Variants in PPP1R16B observed in about 807,000 individuals in gnomAD.
PPP1R16B encodes protein phosphatase 1 regulatory inhibitor subunit 16B.
In PPP1R16B, 14 loss-of-function variants were observed where a neutral mutation model predicts 61.7. That is an observed-to-expected ratio of 0.23 (90% CI 0.15 to 0.35). The LOEUF (loss-of-function observed/expected upper bound fraction) is 0.35, where lower values mean the gene tolerates loss of function less well. PPP1R16B is among the 10% of genes least tolerant of loss of function. The pLI is 1.00. For synonymous variants in PPP1R16B, 266 were observed against 305.3 expected (o/e 0.87, Z 1.34); for missense variants, 547 against 752.5 (o/e 0.73, Z 3.19).
chr20:38,819,099 GA>G (rs1281878981), intron 1 of PPP1R16B, among the ~76,000 whole-genome samples: 1 of 151,330 alleles, frequency 6.6e-6, no homozygotes, highest in Non-Finnish European at 1.5e-5. Flanking sequence ...CAAGAAAAAG[GA>G]AAAAAAATAA....
At chr20:38,813,729 C>G (rs2084716251) in intron 1 of PPP1R16B, among the ~76,000 whole-genome samples, 1 of 151,034 alleles carries the variant, frequency 6.6e-6, no homozygotes, top group Non-Finnish European at 1.5e-5. Context: ...TCCTTTAGTC[C>G]TCCTAACAAC....
rs980789650 is a variant in PPP1R16B at position 38,894,096 on chromosome 20, C to A, written c.322-1469C>A. Among the ~76,000 whole-genome samples, 89 of 152,294 alleles carry A rather than the reference C, an allele frequency of 5.8e-4. 1 individual carries two copies. The highest frequency in any genetic ancestry group is 2.1e-3 in the African/African-American group (86 of 41,562). ...CTGTCCGGAGAGAATGTCCTCAGAC[C>A]TAGCCACCGTCCCCCCCGCACCCCC... On this transcript the variant is annotated intron_variant, in intron 3 of 10. Transcript: ENST00000299824.
chr20:38,894,106 T>TC (rs1164750028), intron 3 of PPP1R16B, among the ~76,000 whole-genome samples: 14 of 150,378 alleles, frequency 9.3e-5, no homozygotes, highest in Admixed American at 6.6e-4. Flanking sequence ...CTAGCCACCG[T>TC]CCCCCCCGCA....
intron 2 of PPP1R16B, among the ~76,000 whole-genome samples, chr20:38,851,931 G>C (rs2084971573): frequency 6.6e-6 from 1 of 152,196 alleles, no homozygotes; most frequent in Non-Finnish European, 1.5e-5. Flanking sequence ...TGCTTGGGAG[G>C]CTGAGGCCGG....
intron 10 of PPP1R16B, among the ~76,000 whole-genome samples, chr20:38,908,923 C>A (rs912611832): frequency 2.4e-4 from 37 of 152,196 alleles, no homozygotes; most frequent in Non-Finnish European, 4.6e-4. Flanking sequence ...CTCTTGCTAG[C>A]AATGATTCTA....
At chr20:38,818,132 A>C (rs568999686) in intron 1 of PPP1R16B, among the ~76,000 whole-genome samples, 2 of 152,362 alleles carry the variant, frequency 1.3e-5, no homozygotes, top group East Asian at 3.9e-4. Flanking sequence ...TAGCAGATAC[A>C]TCTTGGTTCA....
At chr20:38,872,024 C>T (rs1374578850) in intron 2 of PPP1R16B, among the ~76,000 whole-genome samples, 1 of 152,152 alleles carries the variant, frequency 6.6e-6, no homozygotes, top group Admixed American at 6.5e-5. Context: ...CAAGGTCACC[C>T]CTAGCACGTC....
rs2145793704 is a variant in PPP1R16B at position 38,921,722 on chromosome 20, T to C, written c.*3056T>C. The C allele has an allele frequency of 6.6e-6, 1 of 152,388 alleles. No homozygotes were observed. Among genetic ancestry groups the C allele is most frequent in the East Asian group, 1.9e-4 (1 of 5,190 alleles). 9.4% of individuals were successfully genotyped at this position (152,388 alleles called of 1,614,324 possible). A position where few individuals can be genotyped will look rare whatever the true frequency, so the allele number is the denominator to read the frequency against. On this transcript the variant is annotated 3_prime_UTR_variant, in exon 11 of 11. Transcript: ENST00000299824. ...AGCTTGAGATCAGTGTCTAGAAGAC[T>C]GTTCTGCAATTTGCTGCCAAATGCA...
rs184125245 is a variant in PPP1R16B, at chr20:38,840,952, T to C, written c.250+4777T>C. ...TAAGTGGTATAAATTGTTGTTATTC[T>C]ACACTATTCTACATTTACGTAATCT... On this transcript the variant is annotated intron_variant, in intron 2 of 10. Transcript: ENST00000299824. 2.0e-5 allele frequency among the ~76,000 whole-genome samples: 3 copies of C among 152,356 alleles called. No individual in the cohort carries two copies. The East Asian group carries it at 5.8e-4, about 29-fold the overall frequency.
At chr20:38,903,645 T>C (rs1414327347) in intron 6 of PPP1R16B, among the ~76,000 whole-genome samples, 1 of 151,662 alleles carries the variant, frequency 6.6e-6, no homozygotes, top group African/African-American at 2.4e-5. Flanking sequence ...AGCCATCCAG[T>C]CAACACACAG....
chr20:38,904,314 GGT>G (rs2085422387), intron 6 of PPP1R16B, among the ~76,000 whole-genome samples: 1 of 152,178 alleles, frequency 6.6e-6, no homozygotes, highest in African/African-American at 2.4e-5. Context: ...CTGGCCTCAG[GGT>G]GGCCCCACCC....
At position 38,906,092 on chromosome 20, in the gene PPP1R16B, C is replaced by G; in HGVS notation, c.820C>G (p.Gln274Glu). 6.2e-7 allele frequency: 1 copy of G among 1,612,260 alleles called. No homozygotes were observed. Among genetic ancestry groups the G allele is most frequent in the Non-Finnish European group, 8.5e-7 (1 of 1,179,646 alleles). ...EPLHAAAFWG[Q>E]MQMAELLVSH... ...CCTGCATGCAGCTGCCTTCTGGGGA[C>G]AGGTAGTTCTCACCCACAGGGCTGT... is the stretch of plus-strand genomic sequence containing the variant. Residue 274 changes from glutamine (Q) to glutamate (E), a missense_variant and splice_region_variant, in exon 7 of 11, where the codon CAG becomes GAG. Transcript: ENST00000299824.
Position 38,919,722 on chromosome 20 carries a change from G to T in PPP1R16B, c.*1056G>T, listed in dbSNP as rs1258204433. On this transcript the variant is annotated 3_prime_UTR_variant, in exon 11 of 11. Coordinates refer to ENST00000299824, the MANE Select transcript of PPP1R16B (RefSeq NM_015568.4). The stretch of plus-strand genomic sequence containing the variant: ...AAAAAAACAGTCGCTAGTTAACAGC[G>T]ACAGAGCCCAGCACCCTGGGGTCTT... 1 of 152,120 alleles carries T rather than the reference G, an allele frequency of 6.6e-6. No individual in the cohort carries two copies. The highest frequency in any genetic ancestry group is 1.5e-5 in the Non-Finnish European group (1 of 68,022). 9.4% of individuals were successfully genotyped at this position (152,120 alleles called of 1,614,324 possible). A position where few individuals can be genotyped will look rare whatever the true frequency, so the allele number is the denominator to read the frequency against.
chr20:38,902,538 G>A, intron 5 of PPP1R16B, 130 bp from the exon 6 acceptor site: 1 of 1,267,580 alleles, frequency 7.9e-7, no homozygotes, highest in Non-Finnish European at 1.1e-6. Context: ...TGATCTATGG[G>A]CATGTCTGCA....
At chr20:38,913,267 T>C (rs373987251) in intron 10 of PPP1R16B, among the ~76,000 whole-genome samples, 35 of 152,256 alleles carry the variant, frequency 2.3e-4, no homozygotes, top group African/African-American at 7.7e-4. Flanking sequence ...ATTGGTGTTT[T>C]TTTTTAATTT....
At chr20:38,909,344 A>T (rs2085470858) in intron 10 of PPP1R16B, among the ~76,000 whole-genome samples, 1 of 152,244 alleles carries the variant, frequency 6.6e-6, no homozygotes, top group African/African-American at 2.4e-5. Context: ...ATTGGAGCCC[A>T]TGCCAATCCA....
At chr20:38,808,764 T>A (rs985234269) in intron 1 of PPP1R16B, among the ~76,000 whole-genome samples, 5 of 152,166 alleles carry the variant, frequency 3.3e-5, no homozygotes, top group African/African-American at 1.2e-4. Context: ...TGGAGCATAG[T>A]GGCTCACACC....
At chr20:38,916,069 T>TAA (rs1206681598) in intron 10 of PPP1R16B, among the ~76,000 whole-genome samples, 2 of 127,998 alleles carry the variant, frequency 1.6e-5, no homozygotes. Context: ...AAGGAGCCAT[T>TAA]AAAAAAAAAA....
intron 2 of PPP1R16B, among the ~76,000 whole-genome samples, chr20:38,877,393 T>A (rs563795037): frequency 6.6e-6 from 1 of 151,796 alleles, no homozygotes; most frequent in Non-Finnish European, 1.5e-5. Flanking sequence ...CACTGCAACC[T>A]CCACCTCCCA....
Sources: allele counts gnomAD v4.1 joint callset (sites outside exome capture counted in the v4.1 genomes callset), GRCh38; gene constraint gnomAD v4.1.1; transcripts MANE v1.5; gene names NCBI Gene and HGNC (gene_info 2026-07-23, HGNC 2026-07-21).